The following NUBPL variants were observed in gnomAD, a reference collection of about 807,000 sequenced individuals.
NUBPL encodes the protein iron-sulfur cluster transfer protein NUBPL.
Under a neutral mutation model 45.7 loss-of-function variants are expected in NUBPL, and 31 were observed. The observed-to-expected ratio is 0.68, with a 90% CI of 0.51 to 0.92. NUBPL has a LOEUF of 0.92. Ranked by LOEUF, NUBPL falls within the 40% of genes least tolerant of loss-of-function variation. The pLI is 0.00. For synonymous variants in NUBPL, 144 were observed against 140.9 expected, an observed-to-expected ratio of 1.02 and a Z score of -0.15; for missense variants, 401 against 398.7, an observed-to-expected ratio of 1.01 and a Z score of -0.05.
intron 6 of NUBPL, among the ~76,000 whole-genome samples, chr14:31,758,125 G>C (rs1366792548): frequency 6.6e-6 from 1 of 151,974 alleles, no homozygotes; most frequent in Non-Finnish European, 1.5e-5. Flanking sequence ...TATATTTATT[G>C]ATAGTTTCCA....
At chr14:31,613,108 G>A (rs958034682) in intron 4 of NUBPL, among the ~76,000 whole-genome samples, 12 of 152,150 alleles carry the variant, frequency 7.9e-5, no homozygotes, top group African/African-American at 2.9e-4. Context: ...GTACTAGTCA[G>A]CCATAAAAAG....
At chr14:31,704,041 C>T (rs903066612) in intron 6 of NUBPL, among the ~76,000 whole-genome samples, 1 of 152,178 alleles carries the variant, frequency 6.6e-6, no homozygotes, top group African/African-American at 2.4e-5. Flanking sequence ...TAACATTTCC[C>T]TCCTCAAGAG....
Position 31,562,198 on chromosome 14 carries a change from G to GA in NUBPL, c.243dup (p.Ser82IlefsTer68), listed in dbSNP as rs2033305347. 9 of 1,613,976 alleles carry GA rather than the reference G, an allele frequency of 5.6e-6. No homozygotes were observed. The East Asian group carries it at 1.8e-4, about 32-fold the overall frequency. ...GTGGCTTCTGGAAAGGGTGGAGTCG[G>GA]AAAATCTACTACAGCAGGTATTATA... is the stretch of plus-strand genomic sequence containing the variant. On this transcript the variant is annotated frameshift_variant, in exon 2 of 11. Transcript: ENST00000281081. LOFTEE classifies it high-confidence loss of function.
chr14:31,768,813 A>AG (rs2038958555), intron 6 of NUBPL, among the ~76,000 whole-genome samples: 3 of 152,234 alleles, frequency 2.0e-5, no homozygotes, highest in African/African-American at 7.2e-5. Flanking sequence ...TCCTGGTACC[A>AG]AGCATTGCTT....
intron 6 of NUBPL, among the ~76,000 whole-genome samples, chr14:31,712,893 G>A (rs1467131422): frequency 6.6e-6 from 1 of 152,192 alleles, no homozygotes; most frequent in South Asian, 2.1e-4. Context: ...ATGTAATTAT[G>A]TGTGGGAAAA....
At chr14:31,817,149 T>C (rs1186376648) in intron 7 of NUBPL, among the ~76,000 whole-genome samples, 1 of 151,964 alleles carries the variant, frequency 6.6e-6, no homozygotes, top group African/African-American at 2.4e-5. Flanking sequence ...TGAAAAGGAA[T>C]GAACAAAGCC....
intron 6 of NUBPL, among the ~76,000 whole-genome samples, chr14:31,676,215 G>T (rs908290362): frequency 1.2e-4 from 18 of 152,018 alleles, no homozygotes; most frequent in African/African-American, 4.1e-4. Flanking sequence ...TAGGGACGGG[G>T]TTTCTCCATG....
intron 4 of NUBPL, among the ~76,000 whole-genome samples, chr14:31,621,570 G>A (rs1405544081): frequency 6.6e-6 from 1 of 152,138 alleles, no homozygotes; most frequent in African/African-American, 2.4e-5. Context: ...GTGCTTCCCA[G>A]GTGAGGTGAT....
chr14:31,777,481 G>A (rs992373185), intron 6 of NUBPL, among the ~76,000 whole-genome samples: 5 of 152,244 alleles, frequency 3.3e-5, no homozygotes, highest in East Asian at 3.9e-4. Flanking sequence ...GGATTGAGTC[G>A]GCACAATCCT....
rs1419066783 is a variant in NUBPL, at chr14:31,859,256, A to G, written c.*76A>G. The G allele has an allele frequency of 1.9e-6, 2 of 1,033,500 alleles. No individual in the cohort carries two copies. The highest frequency in any genetic ancestry group is 2.4e-5 in the East Asian group (1 of 41,550). 64.0% of individuals were successfully genotyped at this position (1,033,500 alleles called of 1,614,324 possible). ...TGGAAATCAGCAATGTGGTGATGGA[A>G]CCTACAGAAATAATAGAAATCATAA... On this transcript the variant is annotated 3_prime_UTR_variant, in exon 11 of 11. Transcript: ENST00000281081.
Position 31,642,548 on chromosome 14 carries a change from TG to T in NUBPL, c.383-30806del, listed in dbSNP as rs2035734712. Among the ~76,000 whole-genome samples, 9 of 152,296 alleles carry T rather than the reference TG, an allele frequency of 5.9e-5. No individual in the cohort carries two copies. The South Asian group carries it at 1.9e-3, about 32-fold the overall frequency. On this transcript the variant is annotated intron_variant, in intron 4 of 10. Transcript: ENST00000281081. Reference sequence around the variant, plus strand: ...CTATTCTGTTCCATTGGTCTATGTCTGTGTTTTTATGCCAGTACTATATTGT... The same window carrying T: ...CTATTCTGTTCCATTGGTCTATGTCTTGTTTTTATGCCAGTACTATATTGT...
intron 6 of NUBPL, 70 bp from the exon 7 acceptor site, chr14:31,787,710 T>C: frequency 4.0e-6 from 4 of 990,108 alleles, no homozygotes; most frequent in Non-Finnish European, 6.5e-6. Flanking sequence ...TATTAACACA[T>C]TAATTTTGTT....
chr14:31,601,175 A>C (rs949595625), intron 4 of NUBPL, among the ~76,000 whole-genome samples: 4 of 152,168 alleles, frequency 2.6e-5, no homozygotes, highest in Non-Finnish European at 5.9e-5. Context: ...TATAGTTTGA[A>C]GTCAGGTAGC....
At chr14:31,782,440 T>C (rs2138801149) in intron 6 of NUBPL, among the ~76,000 whole-genome samples, 1 of 151,852 alleles carries the variant, frequency 6.6e-6, no homozygotes, top group African/African-American at 2.4e-5. Context: ...GCACAGTTCA[T>C]TTGAAGAATT....
chr14:31,764,235 AT>A (rs1470633717), intron 6 of NUBPL, among the ~76,000 whole-genome samples: 1 of 152,172 alleles, frequency 6.6e-6, no homozygotes, highest in Admixed American at 6.5e-5. Context: ...CTTTGTCATA[AT>A]TTTTATTTGG....
chr14:31,598,508 A>G (rs904421943), intron 3 of NUBPL, among the ~76,000 whole-genome samples: 3 of 152,142 alleles, frequency 2.0e-5, no homozygotes, highest in Non-Finnish European at 1.5e-5. Context: ...AGGAGAAAGA[A>G]GAGAGGGGAA....
intron 4 of NUBPL, among the ~76,000 whole-genome samples, chr14:31,668,803 A>C (rs1337108272): frequency 2.0e-5 from 3 of 152,164 alleles, no homozygotes; most frequent in Admixed American, 2.0e-4. Flanking sequence ...GGAGGTCCCC[A>C]GCCCCTTGCA....
rs576067625 is a variant in NUBPL at position 31,605,614 on chromosome 14, TGAGACA to T, written c.382+6240_382+6245del. On this transcript the variant is annotated intron_variant, in intron 4 of 10. Transcript: ENST00000281081. Reference sequence around the variant, plus strand: ...AGGAATTAATGTGTATGTAGGCTTCTGAGACAGAGAAGTGGAAAATCAGCTTGAGCA... The same window carrying T: ...AGGAATTAATGTGTATGTAGGCTTCTGAGAAGTGGAAAATCAGCTTGAGCA... 2.5e-3 allele frequency among the ~76,000 whole-genome samples: 388 copies of T among 152,304 alleles called. 2 individuals carry two copies. Among genetic ancestry groups the T allele is most frequent in the Non-Finnish European group, 4.4e-3 (299 of 68,034 alleles).
chr14:31,693,537 C>T (rs1357610416), intron 6 of NUBPL, among the ~76,000 whole-genome samples: 4 of 152,026 alleles, frequency 2.6e-5, no homozygotes, highest in Non-Finnish European at 5.9e-5. Context: ...TTAGCCATAT[C>T]TAAATATACC....
Sources: allele counts gnomAD v4.1 joint callset (sites outside exome capture counted in the v4.1 genomes callset), GRCh38; gene constraint gnomAD v4.1.1; transcripts MANE v1.5; gene names NCBI Gene and HGNC (gene_info 2026-07-23, HGNC 2026-07-21).